USP22: variants seen among roughly 807,000 people sequenced by gnomAD.
The protein encoded by USP22 is ubiquitin carboxyl-terminal hydrolase 22.
Under a neutral mutation model 68.1 loss-of-function variants are expected in USP22, and 22 were observed. The ratio of observed to expected loss-of-function variants is 0.32; its 90% CI spans 0.23 to 0.46. The LOEUF is 0.46. Among genes scored for constraint, USP22 ranks in the 20% least tolerant of loss-of-function variants. The probability of loss-of-function intolerance (pLI) is 1.00; values close to 1 mark genes in which losing one functional copy is unlikely to be tolerated. For missense variants in USP22, 433 were observed against 695.8 expected (o/e 0.62, Z 4.25); for synonymous variants, 279 against 274.2 (o/e 1.02, Z -0.17).
At chr17:21,016,739 C>G (rs9916198) in intron 5 of USP22, among the ~76,000 whole-genome samples, 1 of 152,124 alleles carries the variant, frequency 6.6e-6, no homozygotes, top group Non-Finnish European at 1.5e-5. Context: ...CTCAAGGGAC[C>G]GAAGACAGAT....
Position 21,011,279 on chromosome 17 carries a change from C to T in USP22, c.975G>A (p.Trp325Ter), listed in dbSNP as rs1247718072. ...HGVSTTIDPF[W>*]DISLDLPGSS... ...AGCCGGGGAGATCCAAGCTGATGTC[C>T]CAGAAGGGGTCGATGGTGGTGGAGA... Residue 325 changes from tryptophan (W) to a stop codon, truncating the protein, a stop_gained, in exon 8 of 13, where the codon TGG becomes TGA. Transcript: ENST00000261497. LOFTEE classifies it high-confidence loss of function. 1 of 1,574,724 alleles carries T rather than the reference C, an allele frequency of 6.4e-7. No individual in the cohort carries two copies. The highest frequency in any genetic ancestry group is 1.9e-5 in the Admixed American group (1 of 53,522).
chr17:21,006,872 G>A (rs367561152), intron 10 of USP22, 24 bp downstream of exon 10: 14 of 1,567,800 alleles, frequency 8.9e-6, no homozygotes, highest in Non-Finnish European at 1.2e-5. Flanking sequence ...TCAGGACACA[G>A]AACGGGCCTA....
At chr17:21,003,141 C>T in intron 12 of USP22, 68 bp from the exon 13 acceptor site, 3 of 1,587,836 alleles carry the variant, frequency 1.9e-6, no homozygotes, top group Non-Finnish European at 2.6e-6. Context: ...ACAACCCACC[C>T]TACACAAAAG....
chr17:21,012,471 A>G (rs1356272778), intron 7 of USP22, among the ~76,000 whole-genome samples: 1 of 152,134 alleles, frequency 6.6e-6, no homozygotes, highest in East Asian at 1.9e-4. Context: ...AAGCACGTAG[A>G]AAAACAATCC....
intron 6 of USP22, among the ~76,000 whole-genome samples, chr17:21,014,712 A>G (rs1273172794): frequency 1.3e-5 from 2 of 152,146 alleles, no homozygotes; most frequent in Non-Finnish European, 2.9e-5. Flanking sequence ...CAAGCTGTTC[A>G]ACTCGGTGAA....
Position 21,018,123 on chromosome 17 carries a change from T to C in USP22, c.521-12A>G. On this transcript the variant is annotated splice_polypyrimidine_tract_variant and intron_variant, in intron 4 of 12. Transcript: ENST00000261497. ...CAGCCCACGCAGACCTGGACACAAATCACCAGAGAGCAGGAGTTACCTGTG... is the reference window on the plus strand; with the variant it reads ...CAGCCCACGCAGACCTGGACACAAACCACCAGAGAGCAGGAGTTACCTGTG... The C allele has an allele frequency of 6.4e-7, 1 of 1,569,640 alleles. No homozygotes were observed. The highest frequency in any genetic ancestry group is 2.0e-4 in the Middle Eastern group (1 of 4,944).
chr17:21,018,773 A>C (rs1972119472), intron 4 of USP22, among the ~76,000 whole-genome samples: 1 of 152,180 alleles, frequency 6.6e-6, no homozygotes, highest in South Asian at 2.1e-4. Flanking sequence ...ACACTCACAC[A>C]CATCATTTCT....
chr17:20,999,935 G>A lies in USP22; in HGVS notation c.*3096C>T, dbSNP rs1019957474. On this transcript the variant is annotated 3_prime_UTR_variant, in exon 13 of 13. Transcript: ENST00000261497. Reference sequence around the variant, plus strand: ...GGGAGGCTGCAGTGCTCACCACGAAGCCCAGGTCCACGGAGGGAGCCAAGG... The same window carrying A: ...GGGAGGCTGCAGTGCTCACCACGAAACCCAGGTCCACGGAGGGAGCCAAGG... 1 of 152,300 alleles carries A rather than the reference G, an allele frequency of 6.6e-6. No homozygotes were observed. Among genetic ancestry groups the A allele is most frequent in the African/African-American group, 2.4e-5 (1 of 41,430 alleles). The allele number at this position is 152,300 out of a possible 1,614,324, so 9.4% of individuals were successfully genotyped here.
chr17:21,013,288 T>C (rs1914024753), intron 6 of USP22, among the ~76,000 whole-genome samples: 1 of 152,186 alleles, frequency 6.6e-6, no homozygotes, highest in Non-Finnish European at 1.5e-5. Context: ...GCTGAACATA[T>C]GGTGGGCCAG....
chr17:21,006,928 CA>C lies in USP22; in HGVS notation c.1289del (p.Leu430ArgfsTer5). 6.2e-7 allele frequency: 1 copy of C among 1,609,680 alleles called. No individual in the cohort carries two copies. The highest frequency in any genetic ancestry group is 8.5e-7 in the Non-Finnish European group (1 of 1,177,808). ...CCATGAAAGGGGTCATGTCCAGCTCCAGGGGGAAGGACACATACGTGGTGAT... is the reference window on the plus strand; with the variant it reads ...CCATGAAAGGGGTCATGTCCAGCTCCGGGGGAAGGACACATACGTGGTGAT... ...RKITTYVSFP[L>X]ELDMTPFMAS... On this transcript the variant is annotated frameshift_variant, in exon 10 of 13. Transcript: ENST00000261497. LOFTEE classifies it high-confidence loss of function.
Position 21,004,368 on chromosome 17 carries a change from G to A in USP22, c.1386-17C>T. 6.2e-7 allele frequency: 1 copy of A among 1,612,522 alleles called. No individual in the cohort carries two copies. The highest frequency in any genetic ancestry group is 2.2e-5 in the East Asian group (1 of 44,836). ...AGGGAATACCTAGTGCAGGAGCAAA[G>A]GAGAGGGAGGGCGCAGGTGACTTGA... On this transcript the variant is annotated splice_polypyrimidine_tract_variant and intron_variant, in intron 11 of 12. Transcript: ENST00000261497.
Position 21,003,088 on chromosome 17 carries a change from A to G in USP22, c.1536-15T>C, listed in dbSNP as rs761197345. 2 of 1,613,782 alleles carry G rather than the reference A, an allele frequency of 1.2e-6. No individual in the cohort carries two copies. Among genetic ancestry groups the G allele is most frequent in the Non-Finnish European group, 1.7e-6 (2 of 1,179,836 alleles). On this transcript the variant is annotated splice_polypyrimidine_tract_variant and intron_variant, in intron 12 of 12. Coordinates refer to ENST00000261497, the MANE Select transcript of USP22 (RefSeq NM_015276.2). ...ACAGCAAGTACCTGTGGAGGCAGAGAGAGGGAGGAGGCTCACCTCTAACTC... is the reference window on the plus strand; with the variant it reads ...ACAGCAAGTACCTGTGGAGGCAGAGGGAGGGAGGAGGCTCACCTCTAACTC...
chr17:21,020,451 C>T (rs952340689), intron 3 of USP22, among the ~76,000 whole-genome samples: 1 of 151,858 alleles, frequency 6.6e-6, no homozygotes, highest in African/African-American at 2.4e-5. Context: ...AAGGATCTGA[C>T]TGTGCAGTGG....
At chr17:21,017,330 T>C (rs1972100161) in intron 5 of USP22, among the ~76,000 whole-genome samples, 2 of 152,142 alleles carry the variant, frequency 1.3e-5, no homozygotes. Context: ...TGCTTATTAG[T>C]TGAGGTAACT....
At chr17:21,017,404 C>T (rs918634009) in intron 5 of USP22, among the ~76,000 whole-genome samples, 8 of 152,204 alleles carry the variant, frequency 5.3e-5, no homozygotes, top group African/African-American at 7.2e-5. Flanking sequence ...AGGCGGCAGC[C>T]GTGAACGCCT....
intron 2 of USP22, among the ~76,000 whole-genome samples, chr17:21,027,401 G>A (rs1173490483): frequency 6.6e-6 from 1 of 151,874 alleles, no homozygotes; most frequent in Non-Finnish European, 1.5e-5. Flanking sequence ...TGTAAGGGAC[G>A]TGGGTGCAGT....
rs112519193 is a variant in USP22, at chr17:21,026,602, G to A, written c.304+1940C>T. On this transcript the variant is annotated intron_variant, in intron 2 of 12. Transcript: ENST00000261497. Reference sequence around the variant, plus strand: ...GCCTCCCGAAGTGCTGGGATTACAGGTGCAAGCCACACCGCTCCTCCCTCA... The same window carrying A: ...GCCTCCCGAAGTGCTGGGATTACAGATGCAAGCCACACCGCTCCTCCCTCA... 6.6e-3 allele frequency among the ~76,000 whole-genome samples: 997 copies of A among 151,602 alleles called. 17 individuals carry two copies. Among genetic ancestry groups the A allele is most frequent in the African/African-American group, 0.023 (948 of 41,266 alleles).
intron 1 of USP22, among the ~76,000 whole-genome samples, chr17:21,029,529 T>C (rs1440162143): frequency 6.6e-6 from 1 of 152,224 alleles, no homozygotes; most frequent in African/African-American, 2.4e-5. Flanking sequence ...ATTTTATGCT[T>C]ATCATAGTAG....
In USP22 at chr17:21,012,874, G is replaced by A; in HGVS notation, c.900C>T (p.Ile300=). The A allele has an allele frequency of 1.9e-6, 3 of 1,614,038 alleles. No individual in the cohort carries two copies. Among genetic ancestry groups the A allele is most frequent in the Non-Finnish European group, 2.5e-6 (3 of 1,180,030 alleles). ...PNHCNCIIDQ[I]FTGGLQSDVT... is the part of the protein sequence containing the mutation. ...CGTCTGACTGCAACCCGCCTGTGAA[G>A]ATCTGGTCTATGATGCAGTTGCAGT... The change falls in exon 7 of 13, where the codon ATC becomes ATT. Residue 300 remains isoleucine (I), a synonymous_variant. Coordinates refer to ENST00000261497, the MANE Select transcript of USP22 (RefSeq NM_015276.2).
Sources: allele counts gnomAD v4.1 joint callset (sites outside exome capture counted in the v4.1 genomes callset), GRCh38; gene constraint gnomAD v4.1.1; transcripts MANE v1.5; gene names NCBI Gene and HGNC (gene_info 2026-07-23, HGNC 2026-07-21).